The following SLC24A2 variants were observed in gnomAD, a reference collection of about 807,000 sequenced individuals.
SLC24A2 encodes the protein sodium/potassium/calcium exchanger 2.
A neutral mutation model predicts 62.0 loss-of-function variants in SLC24A2; 36 were observed. That is an observed-to-expected ratio of 0.58 (90% CI 0.44 to 0.77). The LOEUF is 0.77. Ranked by LOEUF, SLC24A2 falls within the 30% of genes least tolerant of loss-of-function variation. The pLI, the probability that SLC24A2 is intolerant of heterozygous loss-of-function variation, is 0.00. For missense variants in SLC24A2, 846 were observed against 817.9 expected (o/e 1.03, Z -0.42); for synonymous variants, 358 against 294.0 (o/e 1.22, Z -2.23).
At chr9:20,088,482 T>C in the SLC24A2 span, among the ~76,000 whole-genome samples, 5 of 152,200 alleles carry the variant, frequency 3.3e-5, no homozygotes, top group Non-Finnish European at 7.4e-5. Flanking sequence ...TTCTCTTCAC[T>C]GGGAAGAATT....
chr9:19,827,464 G>T, the SLC24A2 span, among the ~76,000 whole-genome samples: 1 of 151,966 alleles, frequency 6.6e-6, no homozygotes, highest in African/African-American at 2.4e-5. Context: ...TGAGCATGAA[G>T]AAAGAGCAAA....
In SLC24A2 at chr9:19,628,915, G is replaced by A. The variant is rs2383108; in HGVS notation, c.931-6616C>T. Among the ~76,000 whole-genome samples the A allele has an allele frequency of 3.7e-3, 566 of 152,298 alleles. 2 individuals carry two copies. Among genetic ancestry groups the A allele is most frequent in the African/African-American group, 0.012 (517 of 41,552 alleles). On this transcript the variant is annotated intron_variant, in intron 2 of 10. Coordinates refer to ENST00000341998, the MANE Select transcript of SLC24A2 (RefSeq NM_020344.4). ...CTGTCCTGGGCTGCTTGTGCCCTGC[G>A]AGGTGCGGGTTGGGCAAGCTTGGAG...
At chr9:19,593,114 G>A (rs1462502860) in intron 5 of SLC24A2, among the ~76,000 whole-genome samples, 4 of 152,222 alleles carry the variant, frequency 2.6e-5, no homozygotes, top group Admixed American at 6.5e-5. Flanking sequence ...TGGAGACATC[G>A]CCTGCCAGGC....
the SLC24A2 span, among the ~76,000 whole-genome samples, chr9:19,945,667 C>G: frequency 2.8e-4 from 43 of 152,284 alleles, no homozygotes; most frequent in African/African-American, 9.1e-4. Context: ...GGAGTGACCA[C>G]CCCTAATTTA....
chr9:20,145,893 G>C, the SLC24A2 span, among the ~76,000 whole-genome samples: 2 of 150,920 alleles, frequency 1.3e-5, no homozygotes, highest in South Asian at 4.2e-4. Flanking sequence ...TATAAAATTT[G>C]TTTTTATAAT....
At chr9:19,558,096 C>T (rs557483681) in intron 7 of SLC24A2, among the ~76,000 whole-genome samples, 2 of 152,270 alleles carry the variant, frequency 1.3e-5, no homozygotes, top group South Asian at 4.1e-4. Context: ...AGCTACTGTT[C>T]CAGGCCTCAC....
the SLC24A2 span, among the ~76,000 whole-genome samples, chr9:19,826,693 C>T: frequency 1.3e-5 from 2 of 152,134 alleles, no homozygotes; most frequent in African/African-American, 2.4e-5. Context: ...TTTAATAAGG[C>T]ATTAATCTCA....
intron 2 of SLC24A2, among the ~76,000 whole-genome samples, chr9:19,671,697 T>C (rs1428510522): frequency 2.6e-5 from 4 of 152,218 alleles, no homozygotes; most frequent in Non-Finnish European, 4.4e-5. Flanking sequence ...GGGTTTGTCA[T>C]AGATGGCTTT....
chr9:19,988,786 T>C, the SLC24A2 span, among the ~76,000 whole-genome samples: 1 of 152,028 alleles, frequency 6.6e-6, no homozygotes, highest in Admixed American at 6.6e-5. Context: ...AAAACCAAGA[T>C]CAGAAGAACA....
chr9:19,884,451 T>C, the SLC24A2 span, among the ~76,000 whole-genome samples: 4 of 152,346 alleles, frequency 2.6e-5, no homozygotes, highest in East Asian at 7.7e-4. Flanking sequence ...AAGGAAACTA[T>C]GAGCAAGTTC....
chr9:20,024,354 C>T, the SLC24A2 span, among the ~76,000 whole-genome samples: 1 of 152,186 alleles, frequency 6.6e-6, no homozygotes, highest in Non-Finnish European at 1.5e-5. Context: ...CATCCACAAA[C>T]ATACACACAC....
At chr9:19,604,691 A>C (rs2132919215) in intron 4 of SLC24A2, among the ~76,000 whole-genome samples, 1 of 152,370 alleles carries the variant, frequency 6.6e-6, no homozygotes, top group South Asian at 2.1e-4. Context: ...GCAAGAGATA[A>C]GAGAAATATG....
the SLC24A2 span, among the ~76,000 whole-genome samples, chr9:20,078,178 G>C: frequency 2.5e-4 from 38 of 152,276 alleles, no homozygotes; most frequent in Admixed American, 3.3e-4. Context: ...AATTCCCTGA[G>C]AGGCTTCAGT....
intron 2 of SLC24A2, among the ~76,000 whole-genome samples, chr9:19,745,060 C>A (rs999178640): frequency 1.8e-4 from 27 of 152,140 alleles, no homozygotes; most frequent in Non-Finnish European, 4.4e-5. Flanking sequence ...AGGGACAGAT[C>A]TCTTATGAAT....
chr9:20,024,612 T>G, the SLC24A2 span, among the ~76,000 whole-genome samples: 1 of 126,102 alleles, frequency 7.9e-6, no homozygotes, highest in Non-Finnish European at 1.7e-5. Context: ...GATTAGTAGG[T>G]TCTCTGATAA....
At chr9:20,262,220 A>G in the SLC24A2 span, among the ~76,000 whole-genome samples, 1 of 152,224 alleles carries the variant, frequency 6.6e-6, no homozygotes, top group Non-Finnish European at 1.5e-5. Flanking sequence ...TAAAACTGAC[A>G]TCCCCAAAGG....
intron 2 of SLC24A2, among the ~76,000 whole-genome samples, chr9:19,696,987 G>C (rs1820212072): frequency 6.6e-6 from 1 of 152,048 alleles, no homozygotes; most frequent in African/African-American, 2.4e-5. Flanking sequence ...GCCATGTCGA[G>C]CTATTTTCTT....
the SLC24A2 span, among the ~76,000 whole-genome samples, chr9:20,008,784 C>T: frequency 2.6e-5 from 4 of 152,144 alleles, no homozygotes; most frequent in East Asian, 7.7e-4. Flanking sequence ...CCACTTCCAT[C>T]CTCTACTCTA....
At chr9:20,298,158 C>G in the SLC24A2 span, among the ~76,000 whole-genome samples, 6 of 152,204 alleles carry the variant, frequency 3.9e-5, no homozygotes, top group Non-Finnish European at 1.5e-5. Flanking sequence ...TTTACATTCC[C>G]ACAGATCTGT....
Sources: allele counts gnomAD v4.1 joint callset (sites outside exome capture counted in the v4.1 genomes callset), GRCh38; gene constraint gnomAD v4.1.1; transcripts MANE v1.5; gene names NCBI Gene and HGNC (gene_info 2026-07-23, HGNC 2026-07-21).